Variants in TFB2M observed in about 807,000 individuals in gnomAD.
TFB2M encodes the protein dimethyladenosine transferase 2, mitochondrial.
Under a neutral mutation model 41.3 loss-of-function variants are expected in TFB2M, and 44 were observed. That is an observed-to-expected ratio of 1.07 (90% CI 0.84 to 1.37). The LOEUF (loss-of-function observed/expected upper bound fraction) is 1.37. TFB2M is among the 40% of genes most tolerant of loss of function. The pLI, the probability that TFB2M is intolerant of heterozygous loss-of-function variation, is 0.00. For missense variants in TFB2M, 496 were observed against 490.2 expected (o/e 1.01, Z -0.11); for synonymous variants, 188 against 176.8 (o/e 1.06, Z -0.50).
intron 3 of TFB2M, among the ~76,000 whole-genome samples, 191 bp downstream of exon 3, chr1:246,557,190 A>G (rs1659347165): frequency 6.6e-6 from 1 of 152,130 alleles, no homozygotes; most frequent in South Asian, 2.1e-4. Flanking sequence ...CAGGAGAATC[A>G]CATGAACCTG....
intron 7 of TFB2M, among the ~76,000 whole-genome samples, chr1:246,541,418 T>C (rs1658853717): frequency 1.9e-5 from 1 of 54,008 alleles, no homozygotes; most frequent in Non-Finnish European, 3.3e-5. Context: ...GGGTACAATG[T>C]ACACTATTTG....
At chr1:246,558,682 A>G (rs1267995844) in intron 2 of TFB2M, among the ~76,000 whole-genome samples, 1 of 152,262 alleles carries the variant, frequency 6.6e-6, no homozygotes, top group Non-Finnish European at 1.5e-5. Context: ...ATTCAAGAGA[A>G]TATCTTTCTT....
intron 4 of TFB2M, among the ~76,000 whole-genome samples, chr1:246,553,221 A>T (rs1360682720): frequency 2.0e-5 from 3 of 152,146 alleles, no homozygotes; most frequent in Non-Finnish European, 2.9e-5. Flanking sequence ...ACTCCGTCTA[A>T]AAAAAACAAA....
In TFB2M at chr1:246,554,492, C is replaced by T. The variant is rs1044090296; in HGVS notation, c.705+2081G>A. Among the ~76,000 whole-genome samples the T allele has an allele frequency of 1.5e-4, 19 of 130,986 alleles. 1 individual carries two copies. Among genetic ancestry groups the T allele is most frequent in the Admixed American group, 1.3e-3 (17 of 12,604 alleles). The allele number at this position is 130,986 out of a possible 152,430, so 85.9% of individuals were successfully genotyped here. A position where few individuals can be genotyped will look rare whatever the true frequency, so the allele number is the denominator to read the frequency against. On this transcript the variant is annotated intron_variant, in intron 4 of 7. Transcript: ENST00000366514. ...TCTCATAGGAACACAATCCCTATTGCGCATGCGAAGGATCTGGGTTTTGCA... is the reference window on the plus strand; with the variant it reads ...TCTCATAGGAACACAATCCCTATTGTGCATGCGAAGGATCTGGGTTTTGCA...
rs372642297 is a variant in TFB2M, at chr1:246,541,136, T to C, written c.1086A>G (p.Val362=). The C allele has an allele frequency of 1.2e-6, 2 of 1,614,172 alleles. No individual in the cohort carries two copies. The highest frequency in any genetic ancestry group is 8.5e-7 in the Non-Finnish European group (1 of 1,180,002). The change falls in exon 8 of 8, where the codon GTA becomes GTG. Residue 362 remains valine (V), a synonymous_variant. Transcript: ENST00000366514. The part of the protein sequence containing the change: ...MQIGKQEDEK[V]VNMHPQDFKT... The stretch of plus-strand genomic sequence containing the variant: ...TGAAGTCTTGAGGGTGCATGTTAAC[T>C]ACTTTCTCATCCTCCTGTTTTCCTA...
chr1:246,544,949 G>A (rs1021585269), intron 6 of TFB2M, among the ~76,000 whole-genome samples: 1 of 152,104 alleles, frequency 6.6e-6, no homozygotes, highest in Non-Finnish European at 1.5e-5. Context: ...GGGACTACAG[G>A]CGCCCACCAC....
chr1:246,556,617 C>A lies in TFB2M; in HGVS notation c.661G>T (p.Gly221Ter). 1 of 1,546,410 alleles carries A rather than the reference C, an allele frequency of 6.5e-7. No homozygotes were observed. Among genetic ancestry groups the A allele is most frequent in the South Asian group, 1.2e-5 (1 of 80,078 alleles). The change falls in exon 4 of 8, where the codon GGA becomes TGA. Residue 221 changes from glycine (G) to a stop codon, truncating the protein, a stop_gained. Coordinates refer to ENST00000366514, the MANE Select transcript of TFB2M (RefSeq NM_022366.3). LOFTEE classifies it high-confidence loss of function. ...LYSCTSIYKF[G>*]RIEVNMFIGE... is the part of the protein sequence containing the mutation. ...ATAAACATATTTACTTCTATTCGTC[C>A]AAATTTATATATAGAAGTACAGGAA...
In TFB2M at chr1:246,548,488, A is replaced by G. The variant is rs1055854275; in HGVS notation, c.858+57T>C. 1.1e-5 allele frequency: 16 copies of G among 1,494,876 alleles called. No individual in the cohort carries two copies. In the African/African-American group the frequency reaches 2.1e-4, roughly 20 times the overall value. The allele number at this position is 1,494,876 out of a possible 1,614,324, so 92.6% of individuals were successfully genotyped here. Reference sequence around the variant, plus strand: ...GACTACCAAATAGTCCTAAAAAAATAAAATAAAAAATACGTCACGTAGGGA... The same window carrying G: ...GACTACCAAATAGTCCTAAAAAAATGAAATAAAAAATACGTCACGTAGGGA... On this transcript the variant is annotated intron_variant, in intron 6 of 7. Transcript: ENST00000366514.
intron 5 of TFB2M, 84 bp downstream of exon 5, chr1:246,551,129 T>G: frequency 9.9e-7 from 1 of 1,005,864 alleles, no homozygotes; most frequent in Non-Finnish European, 1.6e-6. Flanking sequence ...AAGCTATGAT[T>G]GTGCCACTGC....
intron 5 of TFB2M, among the ~76,000 whole-genome samples, chr1:246,550,648 C>T (rs369610440): frequency 2.6e-5 from 4 of 152,326 alleles, no homozygotes; most frequent in South Asian, 4.1e-4. Context: ...CTTTAAGAGG[C>T]TGAGGCGGGT....
intron 1 of TFB2M, among the ~76,000 whole-genome samples, chr1:246,564,730 A>C (rs559002557): frequency 2.7e-5 from 4 of 148,866 alleles, no homozygotes; most frequent in African/African-American, 7.5e-5. Context: ...CCCAGGCTGG[A>C]GTGCAGTGGG....
chr1:246,545,075 G>A (rs1005713039), intron 6 of TFB2M, among the ~76,000 whole-genome samples: 3 of 151,640 alleles, frequency 2.0e-5, no homozygotes, highest in South Asian at 2.1e-4. Context: ...CAAAGTGCTG[G>A]GATTACAGGC....
chr1:246,543,740 C>CCTG (rs1658924463), intron 7 of TFB2M, among the ~76,000 whole-genome samples: 1 of 152,154 alleles, frequency 6.6e-6, no homozygotes, highest in Non-Finnish European at 1.5e-5. Context: ...TTGAGACCAG[C>CCTG]CTGGGCAAGG....
chr1:246,544,424 C>A, intron 7 of TFB2M, 97 bp downstream of exon 7: 1 of 1,105,280 alleles, frequency 9.0e-7, no homozygotes. Context: ...CATGGTACCT[C>A]ACTCTGTCAA....
At chr1:246,549,191 AAAC>A (rs1180175374) in intron 5 of TFB2M, among the ~76,000 whole-genome samples, 2 of 151,990 alleles carry the variant, frequency 1.3e-5, no homozygotes, top group Admixed American at 6.6e-5. Context: ...CCCTATCCAA[AAAC>A]AACAATAACA....
At position 246,548,636 on chromosome 1, in the gene TFB2M, A is replaced by G. The variant is rs776820167; in HGVS notation, c.796-29T>C. On this transcript the variant is annotated intron_variant, in intron 5 of 7. Transcript: ENST00000366514. Reference sequence around the variant, plus strand: ...GGGAAGAAAAACAAAGCAAAACAACATCTTTTATTTCTCTTTGGTCAAAGT... The same window carrying G: ...GGGAAGAAAAACAAAGCAAAACAACGTCTTTTATTTCTCTTTGGTCAAAGT... 7.5e-6 allele frequency: 12 copies of G among 1,601,150 alleles called. No homozygotes were observed. The East Asian group carries it at 2.7e-4, about 36-fold the overall frequency.
At position 246,541,186 on chromosome 1, in the gene TFB2M, C is replaced by T. The variant is rs1408608069; in HGVS notation, c.1036G>A (p.Asp346Asn). Reference protein sequence around the residue: ...IDHLRSLTPLDARDILMQIGK... With the variant: ...IDHLRSLTPLNARDILMQIGK... ...ATTTGCATCAATATATCTCTCGCAT[C>T]AAGTGGAGTCAATGAACTGCAAAAG... is the stretch of plus-strand genomic sequence containing the variant. The change falls in exon 8 of 8, where the codon GAT becomes AAT. Residue 346 changes from aspartate (D) to asparagine (N), a missense_variant. Coordinates refer to ENST00000366514, the MANE Select transcript of TFB2M (RefSeq NM_022366.3). The T allele has an allele frequency of 1.2e-6, 2 of 1,613,544 alleles. No individual in the cohort carries two copies. The highest frequency in any genetic ancestry group is 2.2e-5 in the South Asian group (2 of 90,918).
At chr1:246,543,448 A>G (rs1346040786) in intron 7 of TFB2M, among the ~76,000 whole-genome samples, 3 of 152,030 alleles carry the variant, frequency 2.0e-5, no homozygotes, top group African/African-American at 4.8e-5. Flanking sequence ...ACTTACAGAG[A>G]TGTATGCATC....
rs1228996322 is a variant in TFB2M, at chr1:246,565,997, A to G, written c.142T>C (p.Ser48Pro). 6.2e-7 allele frequency: 1 copy of G among 1,614,086 alleles called. No individual in the cohort carries two copies. ...TCCGGTTCGGGCCACAGCTGCGGAG[A>G]GGAGTCAGAGAGCCCACAGTGGTTC... is the stretch of plus-strand genomic sequence containing the variant. ...ARNHCGLSDS[S>P]PQLWPEPDFR... The change falls in exon 1 of 8, where the codon TCT becomes CCT. Residue 48 changes from serine to proline, a missense_variant. Coordinates refer to ENST00000366514, the MANE Select transcript of TFB2M (RefSeq NM_022366.3).
Sources: allele counts gnomAD v4.1 joint callset (sites outside exome capture counted in the v4.1 genomes callset), GRCh38; gene constraint gnomAD v4.1.1; transcripts MANE v1.5; gene names NCBI Gene and HGNC (gene_info 2026-07-23, HGNC 2026-07-21).